GRIN2B: variants seen among roughly 807,000 people sequenced by gnomAD.
GRIN2B encodes the protein glutamate receptor ionotropic, NMDA 2B.
GRIN2B carries 5 observed loss-of-function variants against 114.5 expected under a neutral mutation model. The ratio of observed to expected loss-of-function variants is 0.04; its 90% CI spans 0.02 to 0.09. The LOEUF (loss-of-function observed/expected upper bound fraction) is 0.09, where lower values mean the gene tolerates loss of function less well. GRIN2B is among the 10% of genes least tolerant of loss of function. The probability of loss-of-function intolerance (pLI) is 1.00; values close to 1 mark genes in which losing one functional copy is unlikely to be tolerated. For synonymous variants in GRIN2B, 787 were observed against 745.1 expected (o/e 1.06, Z -0.92); for missense variants, 1,108 against 1,943.5 (o/e 0.57, Z 8.08).
At chr12:13,707,021 A>T (rs1950365791) in intron 4 of GRIN2B, among the ~76,000 whole-genome samples, 1 of 152,114 alleles carries the variant, frequency 6.6e-6, no homozygotes, top group Non-Finnish European at 1.5e-5. Flanking sequence ...CTCGCTGCTC[A>T]TGAGGGTCAG....
intron 2 of GRIN2B, among the ~76,000 whole-genome samples, chr12:13,884,257 C>CA (rs35625430): frequency 0.02 from 3,038 of 148,802 alleles, 122 homozygotes; most frequent in African/African-American, 0.07. Flanking sequence ...TTAATTCCTA[C>CA]AAAAAAAAAA....
intron 4 of GRIN2B, among the ~76,000 whole-genome samples, chr12:13,707,401 A>T (rs966053624): frequency 6.6e-6 from 1 of 152,170 alleles, no homozygotes; most frequent in Non-Finnish European, 1.5e-5. Context: ...ATTAATCACT[A>T]TATCTTCTTC....
At chr12:13,879,283 C>T (rs1206823028) in intron 2 of GRIN2B, among the ~76,000 whole-genome samples, 1 of 152,114 alleles carries the variant, frequency 6.6e-6, no homozygotes, top group Non-Finnish European at 1.5e-5. Context: ...CAGCATGTTA[C>T]TGTACTGGAT....
intron 3 of GRIN2B, among the ~76,000 whole-genome samples, chr12:13,767,984 C>T (rs1169684324): frequency 6.6e-6 from 1 of 152,138 alleles, no homozygotes; most frequent in Non-Finnish European, 1.5e-5. Flanking sequence ...CCTCAGATTC[C>T]CCTCTCTGTT....
intron 3 of GRIN2B, among the ~76,000 whole-genome samples, chr12:13,826,649 A>C (rs1865041198): frequency 6.6e-6 from 1 of 150,508 alleles, no homozygotes; most frequent in African/African-American, 2.4e-5. Flanking sequence ...TCTTTTTTTT[A>C]GTTTGGGATT....
At chr12:13,690,013 T>C (rs1950201678) in intron 4 of GRIN2B, among the ~76,000 whole-genome samples, 1 of 152,152 alleles carries the variant, frequency 6.6e-6, no homozygotes, top group Admixed American at 6.6e-5. Context: ...ACATTTCATT[T>C]ATTGTTCACT....
At chr12:13,808,846 T>C (rs902958038) in intron 3 of GRIN2B, among the ~76,000 whole-genome samples, 50 of 151,332 alleles carry the variant, frequency 3.3e-4, no homozygotes, top group African/African-American at 1.0e-3. Context: ...CATGAGCCAA[T>C]AGATAAAGCA....
Position 13,564,531 on chromosome 12 carries a change from G to A in GRIN2B, c.2707C>T (p.Arg903Cys), listed in dbSNP as rs369045170. 4 of 1,614,074 alleles carry A rather than the reference G, an allele frequency of 2.5e-6. No individual in the cohort carries two copies. The highest frequency in any genetic ancestry group is 2.5e-6 in the Non-Finnish European group (3 of 1,179,986). ...AGGTTAGCCATGTTCTTGGCCGTGCGCAGCAGGCGCAGGATGTTGGAGTGT... is the reference window on the plus strand; with the variant it reads ...AGGTTAGCCATGTTCTTGGCCGTGCACAGCAGGCGCAGGATGTTGGAGTGT... ...NTHSNILRLL[R>C]TAKNMANLSG... Residue 903 changes from arginine (R) to cysteine (C), a missense_variant, in exon 14 of 14, where the codon CGC becomes TGC. This residue lies in a region of GRIN2B where 27 missense variants were observed against 51.7 expected (regional missense o/e 0.52). Coordinates refer to ENST00000609686, the MANE Select transcript of GRIN2B (RefSeq NM_000834.5). This position sits in a 1 kb window ranked among gnomAD's most constrained non-coding sequence, Gnocchi z 4.8.
chr12:13,771,483 TA>T (rs370470487), intron 3 of GRIN2B, among the ~76,000 whole-genome samples: 147 of 147,462 alleles, frequency 1.0e-3, no homozygotes, highest in African/African-American at 2.5e-3. Flanking sequence ...ATTGCTGCTA[TA>T]AAAAAAAAAG....
chr12:13,915,046 G>C (rs1866690088), intron 2 of GRIN2B, among the ~76,000 whole-genome samples: 1 of 152,130 alleles, frequency 6.6e-6, no homozygotes, highest in South Asian at 2.1e-4. Context: ...ATAACTAGAA[G>C]AGAAGAATCC....
intron 9 of GRIN2B, among the ~76,000 whole-genome samples, chr12:13,609,811 G>A (rs1382202503): frequency 6.6e-6 from 1 of 152,060 alleles, no homozygotes; most frequent in Admixed American, 6.5e-5. Context: ...GGCCAAAGGG[G>A]AAGTCATAGA....
At chr12:13,608,545 G>T in intron 10 of GRIN2B, 58 bp downstream of exon 10, 1 of 1,279,362 alleles carries the variant, frequency 7.8e-7, no homozygotes, top group South Asian at 1.2e-5. Flanking sequence ...TGAGAACTTT[G>T]AGTATGGCTG....
intron 9 of GRIN2B, among the ~76,000 whole-genome samples, 160 bp from the exon 10 acceptor site, chr12:13,608,992 T>C (rs1949324428): frequency 6.6e-6 from 1 of 152,178 alleles, no homozygotes; most frequent in African/African-American, 2.4e-5. Context: ...TGTGTATCTC[T>C]CTTTTCCAGG....
intron 2 of GRIN2B, among the ~76,000 whole-genome samples, chr12:13,946,948 A>G (rs1867372208): frequency 6.6e-6 from 1 of 152,180 alleles, no homozygotes; most frequent in Non-Finnish European, 1.5e-5. Flanking sequence ...CCTTTGAGCG[A>G]TGCATATAGT....
intron 5 of GRIN2B, among the ~76,000 whole-genome samples, chr12:13,672,803 A>T (rs1170740687): frequency 6.6e-6 from 1 of 151,262 alleles, no homozygotes; most frequent in African/African-American, 2.4e-5. Flanking sequence ...CCTTTAGTAC[A>T]TGTAAAGTAT....
intron 2 of GRIN2B, among the ~76,000 whole-genome samples, chr12:13,977,885 T>G (rs948287639): frequency 2.6e-5 from 4 of 152,184 alleles, no homozygotes; most frequent in African/African-American, 9.6e-5. Context: ...TTTCCCTTTA[T>G]AGCTTCCCCA....
chr12:13,677,130 G>T (rs1291637125), intron 4 of GRIN2B, among the ~76,000 whole-genome samples: 1 of 152,132 alleles, frequency 6.6e-6, no homozygotes, highest in Non-Finnish European at 1.5e-5. Context: ...ATGGCCCAAG[G>T]AATCAATAAT....
chr12:13,702,184 T>C (rs1423618576), intron 4 of GRIN2B, among the ~76,000 whole-genome samples: 1 of 152,192 alleles, frequency 6.6e-6, no homozygotes, highest in East Asian at 1.9e-4. Context: ...CTTGATTCCT[T>C]CCAAGCTACT....
chr12:13,787,689 G>A (rs766685102), intron 3 of GRIN2B, among the ~76,000 whole-genome samples: 1 of 152,192 alleles, frequency 6.6e-6, no homozygotes, highest in Non-Finnish European at 1.5e-5. Flanking sequence ...TCCAATCCAT[G>A]TAACAAACTC....
Sources: allele counts gnomAD v4.1 joint callset (sites outside exome capture counted in the v4.1 genomes callset), GRCh38; gene constraint gnomAD v4.1.1; regional missense constraint gnomAD v4.1.1; non-coding constraint Gnocchi (gnomAD v3.1); transcripts MANE v1.5; gene names NCBI Gene and HGNC (gene_info 2026-07-23, HGNC 2026-07-21).